ILRUN: variants seen among roughly 807,000 people sequenced by gnomAD.
ILRUN encodes inflammation and lipid regulator with UBA-like and NBR1-like domains.
Under a neutral mutation model 33.8 loss-of-function variants are expected in ILRUN, and 3 were observed. The ratio of observed to expected loss-of-function variants is 0.09; its 90% CI spans 0.04 to 0.23. ILRUN has a LOEUF of 0.23. ILRUN is among the 10% of genes least tolerant of loss of function. The probability of loss-of-function intolerance (pLI) is 1.00; values close to 1 mark genes in which losing one functional copy is unlikely to be tolerated. For missense variants in ILRUN, 210 were observed against 375.1 expected, an observed-to-expected ratio of 0.56 and a Z score of 3.64; for synonymous variants, 124 against 138.9, an observed-to-expected ratio of 0.89 and a Z score of 0.75.
chr6:34,636,089 T>G (rs1173691964), intron 3 of ILRUN, among the ~76,000 whole-genome samples: 1 of 151,908 alleles, frequency 6.6e-6, no homozygotes, highest in African/African-American at 2.4e-5. Flanking sequence ...AGACCCCAGC[T>G]CCACAAAAAA....
intron 1 of ILRUN, among the ~76,000 whole-genome samples, chr6:34,679,216 G>GA (rs929238271): frequency 2.0e-5 from 3 of 151,034 alleles, no homozygotes; most frequent in Non-Finnish European, 2.9e-5. Context: ...TATGAAATTG[G>GA]AAAAAAAATA....
intron 1 of ILRUN, among the ~76,000 whole-genome samples, chr6:34,664,709 A>G (rs967704564): frequency 6.6e-6 from 1 of 152,206 alleles, no homozygotes; most frequent in African/African-American, 2.4e-5. Context: ...TGATACCCAA[A>G]AAGTCCCAGA....
chr6:34,679,296 T>A (rs1763307947), intron 1 of ILRUN, among the ~76,000 whole-genome samples: 1 of 152,078 alleles, frequency 6.6e-6, no homozygotes. Context: ...GAAATACAAA[T>A]GCGTCCAATC....
At chr6:34,696,322 T>A (rs1763771907) in intron 1 of ILRUN, 124 bp downstream of exon 1, 1 of 1,039,070 alleles carries the variant, frequency 9.6e-7, no homozygotes, top group Admixed American at 2.8e-5. Context: ...GTCCTCCCCG[T>A]CCCGGGAAGG....
chr6:34,696,201 A>C, intron 1 of ILRUN: 1 of 486,452 alleles, frequency 2.1e-6, no homozygotes, highest in Non-Finnish European at 3.7e-6. Context: ...AAACCTTAGG[A>C]GCTCGCCCCC....
At chr6:34,696,367 G>A in intron 1 of ILRUN, 79 bp downstream of exon 1, 3 of 1,429,526 alleles carry the variant, frequency 2.1e-6, no homozygotes, top group Non-Finnish European at 2.8e-6. Context: ...TCGCCCTGCC[G>A]CCAAGCTCAA....
chr6:34,616,369 G>C (rs1761892544), intron 3 of ILRUN, among the ~76,000 whole-genome samples: 1 of 152,212 alleles, frequency 6.6e-6, no homozygotes, highest in African/African-American at 2.4e-5. Flanking sequence ...AAAGGGGTCT[G>C]GCTGCAGTCA....
At chr6:34,669,093 T>A (rs1400354104) in intron 1 of ILRUN, among the ~76,000 whole-genome samples, 1 of 151,822 alleles carries the variant, frequency 6.6e-6, no homozygotes, top group Non-Finnish European at 1.5e-5. Context: ...GATCCACCCA[T>A]CTTGGCCTCC....
chr6:34,590,503 C>T lies in ILRUN; in HGVS notation c.*62G>A. 1 of 1,611,656 alleles carries T rather than the reference C, an allele frequency of 6.2e-7. No homozygotes were observed. Among genetic ancestry groups the T allele is most frequent in the Non-Finnish European group, 8.5e-7 (1 of 1,178,854 alleles). On this transcript the variant is annotated 3_prime_UTR_variant, in exon 5 of 5. Coordinates refer to ENST00000374023, the MANE Select transcript of ILRUN (RefSeq NM_024294.4). ...GTCTGCAATCCAGAGGAACCCCTTG[C>T]CCTAACCCCCCAAAGTCAGGCCTTC...
intron 1 of ILRUN, among the ~76,000 whole-genome samples, chr6:34,691,305 C>A (rs1581563402): frequency 3.9e-5 from 6 of 152,316 alleles, no homozygotes; most frequent in Middle Eastern, 6.8e-3. Context: ...TATTAATCTA[C>A]AAGTCATTTC....
intron 3 of ILRUN, among the ~76,000 whole-genome samples, chr6:34,621,143 C>T (rs1050458595): frequency 6.6e-6 from 1 of 152,138 alleles, no homozygotes; most frequent in African/African-American, 2.4e-5. Context: ...GGAAATCAAA[C>T]CAAATATTTA....
chr6:34,634,988 T>C (rs1582065041), intron 3 of ILRUN, among the ~76,000 whole-genome samples: 1 of 152,064 alleles, frequency 6.6e-6, no homozygotes, highest in Non-Finnish European at 1.5e-5. Context: ...GTAGCTAGAG[T>C]CACATGTTGA....
chr6:34,695,360 T>C (rs529601030), intron 1 of ILRUN, among the ~76,000 whole-genome samples: 54 of 152,356 alleles, frequency 3.5e-4, no homozygotes, highest in African/African-American at 1.1e-3. Context: ...CCTGAAATCC[T>C]TTCAAAGAAA....
intron 3 of ILRUN, among the ~76,000 whole-genome samples, chr6:34,622,061 T>G (rs373620649): frequency 1.3e-4 from 20 of 152,048 alleles, no homozygotes; most frequent in African/African-American, 2.2e-4. Context: ...AAGAATGAAG[T>G]TGGACCCTTA....
chr6:34,664,188 A>G (rs1178334384), intron 1 of ILRUN, among the ~76,000 whole-genome samples: 1 of 152,268 alleles, frequency 6.6e-6, no homozygotes, highest in African/African-American at 2.4e-5. Flanking sequence ...TAAGTCACAT[A>G]GTTTGTGGTA....
At chr6:34,600,945 G>T (rs1054503187) in intron 4 of ILRUN, among the ~76,000 whole-genome samples, 1 of 152,100 alleles carries the variant, frequency 6.6e-6, no homozygotes, top group Non-Finnish European at 1.5e-5. Flanking sequence ...TTGGTATCCT[G>T]GTCTTATCAC....
At chr6:34,695,070 A>AAC in intron 1 of ILRUN, among the ~76,000 whole-genome samples, 1 of 151,780 alleles carries the variant, frequency 6.6e-6, no homozygotes, top group South Asian at 2.1e-4. Flanking sequence ...AAAAAAAAAA[A>AAC]ATTTACACAT....
At position 34,646,549 on chromosome 6, in the gene ILRUN, A is replaced by G; in HGVS notation, c.511+52T>C. 4 of 1,573,516 alleles carry G rather than the reference A, an allele frequency of 2.5e-6. No individual in the cohort carries two copies. The highest frequency in any genetic ancestry group is 2.6e-6 in the Non-Finnish European group (3 of 1,148,366). On this transcript the variant is annotated intron_variant, in intron 3 of 4. Transcript: ENST00000374023. This position sits in a 1 kb window ranked among gnomAD's most constrained non-coding sequence, Gnocchi z 4.9. ...CTCTGTGAGCAACACTGGGGATGTT[A>G]TAAGATGTTACCTTAGTTCCTTTAC...
intron 3 of ILRUN, among the ~76,000 whole-genome samples, chr6:34,613,608 C>T (rs73411915): frequency 0.03 from 4,597 of 152,178 alleles, 182 homozygotes; most frequent in African/African-American, 0.088. Context: ...GAACAAGGTT[C>T]CTCACTTTTG....
Sources: allele counts gnomAD v4.1 joint callset (sites outside exome capture counted in the v4.1 genomes callset), GRCh38; gene constraint gnomAD v4.1.1; non-coding constraint Gnocchi (gnomAD v3.1); transcripts MANE v1.5; gene names NCBI Gene and HGNC (gene_info 2026-07-23, HGNC 2026-07-21).